The following ARHGEF4 variants were observed in gnomAD, a reference collection of about 807,000 sequenced individuals.
ARHGEF4 encodes the protein Rho guanine nucleotide exchange factor 4, also known as APC-stimulated guanine nucleotide exchange factor 1.
In ARHGEF4, 119 loss-of-function variants were observed where a neutral mutation model predicts 162.0. The observed-to-expected ratio is 0.73, with a 90% CI of 0.63 to 0.86. The LOEUF (loss-of-function observed/expected upper bound fraction) is 0.86. Ranked by LOEUF, ARHGEF4 falls within the 40% of genes least tolerant of loss-of-function variation. The pLI is 0.00. For synonymous variants in ARHGEF4, 1,014 were observed against 979.9 expected, an observed-to-expected ratio of 1.03 and a Z score of -0.65; for missense variants, 2,488 against 2,456.0, an observed-to-expected ratio of 1.01 and a Z score of -0.28.
At chr2:130,999,222 G>A (rs1476176699) in intron 4 of ARHGEF4, among the ~76,000 whole-genome samples, 4 of 149,716 alleles carry the variant, frequency 2.7e-5, no homozygotes, top group Non-Finnish European at 4.4e-5. Context: ...GCAGTGGCGC[G>A]ATCTTGGCTC....
At chr2:130,837,163 G>A (rs1461441756) in intron 1 of ARHGEF4, among the ~76,000 whole-genome samples, 171 bp downstream of exon 1, 3 of 152,112 alleles carry the variant, frequency 2.0e-5, no homozygotes, top group Non-Finnish European at 2.9e-5. Context: ...GCAGACCGGA[G>A]GCGGCGTCCT....
At chr2:131,019,877 G>A (rs1425711852) in intron 4 of ARHGEF4, among the ~76,000 whole-genome samples, 4 of 152,088 alleles carry the variant, frequency 2.6e-5, no homozygotes, top group Middle Eastern at 3.4e-3. Context: ...CTCGTGATCC[G>A]CCCGCCTCGG....
chr2:130,886,487 G>A (rs1679528791), intron 1 of ARHGEF4, among the ~76,000 whole-genome samples: 1 of 151,718 alleles, frequency 6.6e-6, no homozygotes, highest in Non-Finnish European at 1.5e-5. Context: ...AGACTATCCT[G>A]GCTAACATGG....
intron 1 of ARHGEF4, among the ~76,000 whole-genome samples, chr2:130,911,629 G>A (rs1426093613): frequency 1.3e-5 from 2 of 152,188 alleles, no homozygotes; most frequent in Non-Finnish European, 2.9e-5. Context: ...TGCTCTTCCA[G>A]TGCAGCTGCG....
At chr2:130,908,741 G>A (rs1056606970) in intron 1 of ARHGEF4, among the ~76,000 whole-genome samples, 4 of 151,990 alleles carry the variant, frequency 2.6e-5, no homozygotes, top group African/African-American at 9.7e-5. Flanking sequence ...GTAATAAAAT[G>A]AAAAGGCAAG....
chr2:131,018,953 C>T (rs1439147766), intron 4 of ARHGEF4, among the ~76,000 whole-genome samples: 7 of 152,180 alleles, frequency 4.6e-5, no homozygotes, highest in African/African-American at 1.7e-4. Flanking sequence ...ATATATCTAT[C>T]CTTATGCCAT....
Position 130,971,976 on chromosome 2 carries a change from G to C in ARHGEF4, c.3985+25341G>C, listed in dbSNP as rs529972230. Among the ~76,000 whole-genome samples, 11 of 152,300 alleles carry C rather than the reference G, an allele frequency of 7.2e-5. No individual in the cohort carries two copies. In the East Asian group the frequency reaches 1.5e-3, roughly 21 times the overall value. On this transcript the variant is annotated intron_variant, in intron 4 of 13. Transcript: ENST00000409359. ...TAGTGCTGGGGGCCCCATAAGCCAG[G>C]TACTAGGCCAGTTTTTCCAACAGGC...
intron 1 of ARHGEF4, among the ~76,000 whole-genome samples, chr2:130,869,417 G>C (rs1678311389): frequency 6.6e-6 from 1 of 152,232 alleles, no homozygotes; most frequent in Admixed American, 6.5e-5. Context: ...CATCAGCTGG[G>C]TCACTGGTGG....
chr2:130,853,028 G>C (rs11904313), intron 1 of ARHGEF4, among the ~76,000 whole-genome samples: 7,771 of 152,248 alleles, frequency 0.051, 668 homozygotes, highest in African/African-American at 0.18. Flanking sequence ...TGCTCCCATC[G>C]AGGGTCAGCA....
intron 1 of ARHGEF4, among the ~76,000 whole-genome samples, chr2:130,903,055 T>A (rs1055955855): frequency 6.6e-6 from 1 of 152,106 alleles, no homozygotes; most frequent in African/African-American, 2.4e-5. Context: ...TCGAGGTTTT[T>A]TTATTTGTTA....
intron 4 of ARHGEF4, among the ~76,000 whole-genome samples, chr2:130,956,778 T>C (rs749253498): frequency 9.6e-5 from 12 of 125,216 alleles, no homozygotes; most frequent in Non-Finnish European, 1.9e-4. Context: ...TGAGAACACA[T>C]GGACACAGGA....
chr2:130,881,117 C>G (rs1269234705), intron 1 of ARHGEF4, among the ~76,000 whole-genome samples: 3 of 152,150 alleles, frequency 2.0e-5, no homozygotes, highest in African/African-American at 7.2e-5. Context: ...ACTACAACCT[C>G]TGCCTCCCGA....
chr2:130,864,610 G>T (rs1402336151), intron 1 of ARHGEF4, among the ~76,000 whole-genome samples: 3 of 152,278 alleles, frequency 2.0e-5, no homozygotes, highest in Admixed American at 2.0e-4. Context: ...TGTAATCTCA[G>T]CTACTCAGGA....
chr2:130,909,130 A>G (rs1012854656), intron 1 of ARHGEF4, among the ~76,000 whole-genome samples: 2 of 152,104 alleles, frequency 1.3e-5, no homozygotes, highest in African/African-American at 4.8e-5. Context: ...GCATGCCCCT[A>G]CCCTGTGTAT....
At chr2:131,012,840 C>T (rs575155691) in intron 4 of ARHGEF4, among the ~76,000 whole-genome samples, 93 of 152,278 alleles carry the variant, frequency 6.1e-4, no homozygotes, top group African/African-American at 2.2e-3. Flanking sequence ...CTTGGCCTCC[C>T]AAAATGCTGG....
chr2:130,924,161 T>A (rs541396682), intron 2 of ARHGEF4, among the ~76,000 whole-genome samples: 142 of 152,088 alleles, frequency 9.3e-4, no homozygotes, highest in African/African-American at 3.2e-3. Flanking sequence ...GATTACAGGC[T>A]TGAGCCACCG....
chr2:131,033,800 A>C (rs1016551335), intron 5 of ARHGEF4, among the ~76,000 whole-genome samples: 1 of 152,200 alleles, frequency 6.6e-6, no homozygotes, highest in Non-Finnish European at 1.5e-5. Flanking sequence ...TGAGGGAGGC[A>C]CACAGCCTCT....
intron 4 of ARHGEF4, among the ~76,000 whole-genome samples, chr2:131,015,755 A>G (rs1057215719): frequency 6.6e-6 from 1 of 152,218 alleles, no homozygotes; most frequent in Non-Finnish European, 1.5e-5. Context: ...TCCAGTGCAG[A>G]GAGCCCAGTG....
intron 4 of ARHGEF4, among the ~76,000 whole-genome samples, chr2:130,957,603 G>A (rs1253780490): frequency 6.6e-6 from 1 of 152,182 alleles, no homozygotes; most frequent in Non-Finnish European, 1.5e-5. Context: ...TGGGCTGGAT[G>A]TTTGTGTTCC....
Sources: gnomAD v4.1 joint callset for allele counts (sites outside exome capture counted in the v4.1 genomes callset) on GRCh38, gnomAD v4.1.1 for gene constraint, MANE v1.5 for transcripts, NCBI Gene and HGNC (gene_info 2026-07-23, HGNC 2026-07-21) for gene names.